MTSS1: variants seen among roughly 807,000 people sequenced by gnomAD.
The protein encoded by MTSS1 is protein MTSS 1.
In MTSS1, 18 loss-of-function variants were observed where a neutral mutation model predicts 79.0. The observed-to-expected ratio is 0.23, with a 90% confidence interval of 0.16 to 0.34. The LOEUF is 0.34. Ranked by LOEUF, MTSS1 falls within the 10% of genes least tolerant of loss-of-function variation. The pLI, the probability that MTSS1 is intolerant of heterozygous loss-of-function variation, is 1.00. For synonymous variants in MTSS1, 341 were observed against 368.6 expected (o/e 0.93, Z 0.86); for missense variants, 815 against 986.2 (o/e 0.83, Z 2.33).
At chr8:124,695,008 CTTTCA>C in intron 3 of MTSS1, among the ~76,000 whole-genome samples, 2 of 132,636 alleles carry the variant, frequency 1.5e-5, no homozygotes, top group Middle Eastern at 7.8e-3. Context: ...CACTTATACA[CTTTCA>C]TTTAAAAAAA....
chr8:124,559,745 A>C (rs537855668), intron 10 of MTSS1, among the ~76,000 whole-genome samples: 1 of 152,178 alleles, frequency 6.6e-6, no homozygotes, highest in South Asian at 2.1e-4. Flanking sequence ...ATGAGTGACA[A>C]TGATCATCTC....
intron 3 of MTSS1, among the ~76,000 whole-genome samples, chr8:124,609,590 C>G (rs1835431206): frequency 6.6e-6 from 1 of 152,112 alleles, no homozygotes; most frequent in Non-Finnish European, 1.5e-5. Context: ...GGATGGGATG[C>G]CTTTGTTCAA....
At chr8:124,621,857 T>G (rs1355581071) in intron 3 of MTSS1, among the ~76,000 whole-genome samples, 2 of 152,162 alleles carry the variant, frequency 1.3e-5, no homozygotes, top group Non-Finnish European at 2.9e-5. Context: ...CCCCTATCTC[T>G]TTCCCCAGAG....
chr8:124,557,398 CT>C (rs1824101265), intron 11 of MTSS1, among the ~76,000 whole-genome samples: 1 of 152,222 alleles, frequency 6.6e-6, no homozygotes. Flanking sequence ...GGAATTGCCG[CT>C]GCCTGCGGTG....
chr8:124,556,860 C>T (rs986427315), intron 11 of MTSS1, among the ~76,000 whole-genome samples: 2 of 152,228 alleles, frequency 1.3e-5, no homozygotes, highest in East Asian at 3.9e-4. Context: ...AAACCAGCCT[C>T]AAAGGGCATG....
chr8:124,605,527 G>T (rs1332488122), intron 3 of MTSS1, among the ~76,000 whole-genome samples: 1 of 142,420 alleles, frequency 7.0e-6, no homozygotes, highest in African/African-American at 2.6e-5. Flanking sequence ...CTGGGACTCT[G>T]CGGAGACAGC....
At chr8:124,620,220 A>G (rs1456084155) in intron 3 of MTSS1, among the ~76,000 whole-genome samples, 4 of 152,122 alleles carry the variant, frequency 2.6e-5, no homozygotes, top group Non-Finnish European at 5.9e-5. Context: ...TGCTGGGATT[A>G]CAGGAATGAG....
chr8:124,637,186 A>G (rs756390246), intron 3 of MTSS1, among the ~76,000 whole-genome samples: 19 of 152,208 alleles, frequency 1.2e-4, no homozygotes, highest in Non-Finnish European at 2.6e-4. Context: ...GTGTTGGTTC[A>G]TGCTTTTCTA....
chr8:124,644,090 G>C (rs1818578433), intron 3 of MTSS1, among the ~76,000 whole-genome samples: 1 of 152,130 alleles, frequency 6.6e-6, no homozygotes, highest in Non-Finnish European at 1.5e-5. Flanking sequence ...TAGGCCCACG[G>C]TTTGAGTTAC....
intron 3 of MTSS1, 43 bp from the exon 4 acceptor site, chr8:124,591,278 C>T (rs1402941419): frequency 1.3e-6 from 2 of 1,525,702 alleles, no homozygotes; most frequent in Non-Finnish European, 1.8e-6. Context: ...AGAAGACTAG[C>T]AGGGATCATG....
intron 3 of MTSS1, among the ~76,000 whole-genome samples, chr8:124,671,335 T>C (rs1824166092): frequency 1.3e-5 from 2 of 152,136 alleles, no homozygotes; most frequent in Non-Finnish European, 2.9e-5. Flanking sequence ...CTCACAGTCA[T>C]GCATGGGTAC....
intron 6 of MTSS1, chr8:124,580,317 C>T: frequency 2.0e-6 from 1 of 508,770 alleles, no homozygotes; most frequent in Non-Finnish European, 3.6e-6. Flanking sequence ...GATTCAAAGG[C>T]TCTCAGAGTG....
At chr8:124,614,111 C>A (rs1344915379) in intron 3 of MTSS1, among the ~76,000 whole-genome samples, 1 of 148,628 alleles carries the variant, frequency 6.7e-6, no homozygotes, top group African/African-American at 2.5e-5. Flanking sequence ...CTGTAATGAG[C>A]CATGATCATG....
chr8:124,623,871 T>A (rs190473768), intron 3 of MTSS1, among the ~76,000 whole-genome samples: 85 of 152,356 alleles, frequency 5.6e-4, no homozygotes, highest in Admixed American at 1.6e-3. Context: ...CTCAAACTCC[T>A]GACCTCCGGT....
chr8:124,659,518 CA>C (rs1230342548), intron 3 of MTSS1, among the ~76,000 whole-genome samples: 12 of 152,176 alleles, frequency 7.9e-5, no homozygotes, highest in Non-Finnish European at 2.9e-5. Flanking sequence ...CTAAAAATCA[CA>C]TGGCGCTGCT....
At position 124,568,547 on chromosome 8, in the gene MTSS1, C is replaced by T. The variant is rs934414712; in HGVS notation, c.461-11G>A. 1 of 1,614,180 alleles carries T rather than the reference C, an allele frequency of 6.2e-7. No homozygotes were observed. Among genetic ancestry groups the T allele is most frequent in the Non-Finnish European group, 8.5e-7 (1 of 1,180,030 alleles). On this transcript the variant is annotated splice_polypyrimidine_tract_variant and intron_variant, in intron 6 of 13. Coordinates refer to ENST00000518547, the MANE Select transcript of MTSS1 (RefSeq NM_014751.6). ...GGATATCACCTCTCCCTGCAAAAAA[C>T]AGAGACCCAAGCACGGCTTGCTGAA...
chr8:124,592,053 T>G (rs1174044126), intron 3 of MTSS1, among the ~76,000 whole-genome samples: 1 of 152,164 alleles, frequency 6.6e-6, no homozygotes, highest in African/African-American at 2.4e-5. Context: ...CCCAAAGTGC[T>G]AAGATTACAG....
At chr8:124,672,766 T>C (rs567705814) in intron 3 of MTSS1, among the ~76,000 whole-genome samples, 1 of 152,206 alleles carries the variant, frequency 6.6e-6, no homozygotes, top group South Asian at 2.1e-4. Flanking sequence ...GCTGAGATTG[T>C]GCCACTGCAT....
intron 5 of MTSS1, among the ~76,000 whole-genome samples, chr8:124,589,004 T>C (rs113892843): frequency 0.019 from 2,794 of 150,626 alleles, 94 homozygotes; most frequent in African/African-American, 0.065. Flanking sequence ...TGTGAGCCAC[T>C]GCACCCGGCC....
Sources: gnomAD v4.1 joint callset for allele counts (sites outside exome capture counted in the v4.1 genomes callset) on GRCh38, gnomAD v4.1.1 for gene constraint, MANE v1.5 for transcripts, NCBI Gene and HGNC (gene_info 2026-07-23, HGNC 2026-07-21) for gene names.